UNC80: variants seen among roughly 807,000 people sequenced by gnomAD.
The protein encoded by UNC80 is unc-80 subunit of NALCN channel complex, also known as protein unc-80 homolog.
In UNC80, 164 loss-of-function variants were observed where a neutral mutation model predicts 384.6. The ratio of observed to expected loss-of-function variants is 0.43; its 90% CI spans 0.38 to 0.49. The LOEUF (loss-of-function observed/expected upper bound fraction) is 0.49. Ranked by LOEUF, UNC80 falls within the 20% of genes least tolerant of loss-of-function variation. The pLI, the probability that UNC80 is intolerant of heterozygous loss-of-function variation, is 0.00. For synonymous variants in UNC80, 1,486 were observed against 1,527.8 expected (o/e 0.97, Z 0.64); for missense variants, 3,330 against 4,143.0 (o/e 0.80, Z 5.39).
chr2:209,929,267 A>G (rs545094181), intron 36 of UNC80, among the ~76,000 whole-genome samples: 4 of 152,316 alleles, frequency 2.6e-5, no homozygotes, highest in African/African-American at 9.6e-5. Context: ...TAGTCTGGGT[A>G]CTTCTAGACA....
intron 4 of UNC80, among the ~76,000 whole-genome samples, chr2:209,782,679 G>T (rs2077216218): frequency 6.6e-6 from 1 of 151,944 alleles, no homozygotes; most frequent in Non-Finnish European, 1.5e-5. Flanking sequence ...TAATATAAAT[G>T]ACTCATCCTT....
chr2:209,907,327 C>T (rs964740025), intron 29 of UNC80, among the ~76,000 whole-genome samples: 1 of 151,324 alleles, frequency 6.6e-6, no homozygotes, highest in African/African-American at 2.4e-5. Context: ...TTTGTACCCC[C>T]ATATACTGCA....
In UNC80 at chr2:209,840,768, A is replaced by G. The variant is rs2081678014; in HGVS notation, c.3357+120A>G. On this transcript the variant is annotated intron_variant, in intron 20 of 64. Coordinates refer to ENST00000673920, the MANE Select transcript of UNC80 (RefSeq NM_001371986.1). ...AGGAAAAGCTGAAGAAACTCTCCAGATGAGCTAACTTTGGAAACTTAGATA... is the reference window on the plus strand; with the variant it reads ...AGGAAAAGCTGAAGAAACTCTCCAGGTGAGCTAACTTTGGAAACTTAGATA... 7.8e-6 allele frequency: 6 copies of G among 767,418 alleles called. No individual in the cohort carries two copies. The South Asian group carries it at 1.2e-4, about 15-fold the overall frequency. 47.5% of individuals were successfully genotyped at this position (767,418 alleles called of 1,614,324 possible).
intron 21 of UNC80, among the ~76,000 whole-genome samples, chr2:209,843,388 A>G (rs1357879225): frequency 1.3e-5 from 2 of 152,222 alleles, no homozygotes; most frequent in East Asian, 3.9e-4. Context: ...ATCATGGTAT[A>G]CTTTAATATA....
intron 27 of UNC80, 32 bp downstream of exon 27, chr2:209,894,398 TG>T: frequency 1.0e-6 from 1 of 980,394 alleles, no homozygotes; most frequent in Non-Finnish European, 1.2e-6. Flanking sequence ...TGCAGGGACG[TG>T]GGGGGTAGGA....
At chr2:209,888,047 A>G (rs1181907963) in intron 25 of UNC80, 48 bp from the exon 26 acceptor site, 2 of 1,538,832 alleles carry the variant, frequency 1.3e-6, no homozygotes, top group Non-Finnish European at 1.8e-6. Flanking sequence ...AGACCAATGC[A>G]GTGCTGGGGA....
chr2:209,796,903 C>G (rs1289183928), intron 7 of UNC80, among the ~76,000 whole-genome samples: 1 of 152,196 alleles, frequency 6.6e-6, no homozygotes, highest in African/African-American at 2.4e-5. Context: ...AATTGTGCAA[C>G]TACCACTACA....
chr2:209,879,773 G>A (rs562333441), intron 24 of UNC80, among the ~76,000 whole-genome samples: 23 of 151,968 alleles, frequency 1.5e-4, no homozygotes, highest in Non-Finnish European at 3.1e-4. Flanking sequence ...AGCAACTTTC[G>A]GGCTGGAAAT....
chr2:209,821,262 T>C (rs780122379), intron 13 of UNC80, among the ~76,000 whole-genome samples: 3 of 152,062 alleles, frequency 2.0e-5, no homozygotes, highest in Non-Finnish European at 4.4e-5. Context: ...AGAGCTTCCT[T>C]GTGTTTCTTC....
intron 2 of UNC80, among the ~76,000 whole-genome samples, chr2:209,774,633 G>C (rs2076764438): frequency 6.6e-6 from 1 of 152,086 alleles, no homozygotes; most frequent in African/African-American, 2.4e-5. Flanking sequence ...ATTCATTAGA[G>C]TGTATAAATT....
chr2:209,990,911 T>C (rs2093379917), intron 61 of UNC80, among the ~76,000 whole-genome samples: 3 of 152,216 alleles, frequency 2.0e-5, no homozygotes, highest in Admixed American at 2.0e-4. Flanking sequence ...AAAACCGTGA[T>C]AAACCCTATT....
Position 209,976,252 on chromosome 2 carries a change from G to A in UNC80, c.8721G>A (p.Val2907=), listed in dbSNP as rs2093010849. Residue 2907 remains valine (V), a synonymous_variant, in exon 57 of 65, where the codon GTG becomes GTA. Coordinates refer to ENST00000673920, the MANE Select transcript of UNC80 (RefSeq NM_001371986.1). The surrounding 1 kb of genome is among the most constrained non-coding windows in gnomAD (Gnocchi z 4.3). ...TTTGGGATTTCCTCGACTTCATCGT[G>A]CGGACCCGAATACCCATCTTTGTGC... ...LALWDFLDFI[V]RTRIPIFVLL... 1.9e-6 allele frequency: 3 copies of A among 1,551,732 alleles called. No individual in the cohort carries two copies. Among genetic ancestry groups the A allele is most frequent in the Non-Finnish European group, 2.6e-6 (3 of 1,147,000 alleles).
intron 7 of UNC80, among the ~76,000 whole-genome samples, chr2:209,809,993 C>T (rs1283186428): frequency 6.6e-6 from 1 of 152,174 alleles, no homozygotes; most frequent in African/African-American, 2.4e-5. Context: ...ACTCCTTCCC[C>T]GAAGGAGCCC....
In UNC80 at chr2:209,888,247, C is replaced by A. The variant is rs972091458; in HGVS notation, c.4263C>A (p.Val1421=). 1.9e-6 allele frequency: 3 copies of A among 1,551,474 alleles called. No homozygotes were observed. The highest frequency in any genetic ancestry group is 1.2e-5 in the South Asian group (1 of 84,034). ...SSHTLKSDAG[V]EEKKVPSRKI... is the part of the protein sequence containing the mutation. ...ACACTCTCAAATCAGATGCAGGAGT[C>A]GAGGAGAAGAAAGGTATGGAAACAC... The change falls in exon 26 of 65, where the codon GTC becomes GTA. Residue 1421 remains valine (V), a synonymous_variant. Coordinates refer to ENST00000673920, the MANE Select transcript of UNC80 (RefSeq NM_001371986.1).
intron 25 of UNC80, among the ~76,000 whole-genome samples, chr2:209,882,126 C>G (rs1007512245): frequency 2.0e-5 from 3 of 151,950 alleles, no homozygotes; most frequent in Non-Finnish European, 1.5e-5. Flanking sequence ...GCCACCATGC[C>G]TGGCTAATTT....
intron 40 of UNC80, 35 bp downstream of exon 40, chr2:209,935,843 G>A: frequency 7.3e-7 from 1 of 1,363,030 alleles, no homozygotes. Context: ...AATTTTTAAG[G>A]ACAATGCTAT....
At chr2:209,905,079 G>A in intron 29 of UNC80, 114 bp downstream of exon 29, 1 of 1,096,676 alleles carries the variant, frequency 9.1e-7, no homozygotes, top group South Asian at 1.4e-5. Context: ...TCAGGTCTGT[G>A]TGCATCTAAA....
Position 209,834,087 on chromosome 2 carries a change from T to C in UNC80, c.2861T>C (p.Leu954Pro). The change falls in exon 17 of 65, where the codon CTG (leucine) becomes CCG (proline). Residue 954 changes from leucine to proline, a missense_variant. Physicochemically the swap from Leu to Pro is moderately conservative, Grantham distance 98 (BLOSUM62 -3). Around this residue, in one of 8 missense-constraint regions of UNC80, gnomAD observed 801 missense variants for 950.8 expected, o/e 0.84. Transcript: ENST00000673920. ...NVFRRVALSA[L>P]LDSAEKLAPG... ...TTCAGGAGAGTGGCCCTCAGCGCTC[T>C]GCTTGACAGTGCCGAGAAGTTAGCA... 1 of 1,551,698 alleles carries C rather than the reference T, an allele frequency of 6.4e-7. No individual in the cohort carries two copies. Among genetic ancestry groups the C allele is most frequent in the African/African-American group, 1.4e-5 (1 of 73,160 alleles).
intron 26 of UNC80, among the ~76,000 whole-genome samples, chr2:209,892,944 T>C (rs569011129): frequency 1.3e-5 from 2 of 152,344 alleles, no homozygotes; most frequent in East Asian, 3.9e-4. Flanking sequence ...GGGAGCTCCA[T>C]GGGGCCTTTA....
Sources: allele counts gnomAD v4.1 joint callset (sites outside exome capture counted in the v4.1 genomes callset), GRCh38; gene constraint gnomAD v4.1.1; regional missense constraint gnomAD v4.1.1; non-coding constraint Gnocchi (gnomAD v3.1); transcripts MANE v1.5; gene names NCBI Gene and HGNC (gene_info 2026-07-23, HGNC 2026-07-21).